Variants in STPG2 observed in about 807,000 individuals in gnomAD.
The protein encoded by STPG2 is sperm tail PG-rich repeat containing 2.
Under a neutral mutation model 54.2 loss-of-function variants are expected in STPG2, and 56 were observed. That is an observed-to-expected ratio of 1.03 (90% confidence interval 0.83 to 1.29). The LOEUF is 1.29. Among genes scored for constraint, STPG2 ranks in the 50% most tolerant of loss-of-function variants. The pLI, the probability that STPG2 is intolerant of heterozygous loss-of-function variation, is 0.00. For synonymous variants in STPG2, 200 were observed against 181.8 expected, an observed-to-expected ratio of 1.10 and a Z score of -0.81; for missense variants, 596 against 544.9, an observed-to-expected ratio of 1.09 and a Z score of -0.93.
Position 97,958,061 on chromosome 4 carries a change from T to C in STPG2, c.934-14054A>G, listed in dbSNP as rs138616815. Among the ~76,000 whole-genome samples, 788 of 152,068 alleles carry C rather than the reference T, an allele frequency of 5.2e-3. 9 individuals carry two copies. The highest frequency in any genetic ancestry group is 0.048 in the East Asian group (247 of 5,158). ...CAGTAGCTCACACTGGTAATCCCAGTACTTTGGGAGGCAGAGGGGGGACAG... is the reference window on the plus strand; with the variant it reads ...CAGTAGCTCACACTGGTAATCCCAGCACTTTGGGAGGCAGAGGGGGGACAG... On this transcript the variant is annotated intron_variant, in intron 7 of 10. Transcript: ENST00000295268.
chr4:97,897,113 A>G (rs10776490), intron 8 of STPG2, among the ~76,000 whole-genome samples: 89,116 of 151,676 alleles, frequency 0.59, 26,822 homozygotes, highest in East Asian at 0.74. Context: ...ATGTGTCCAT[A>G]TGTTCTCATC....
chr4:98,076,437 CAT>C (rs1738170754), intron 5 of STPG2, among the ~76,000 whole-genome samples: 1 of 152,062 alleles, frequency 6.6e-6, no homozygotes, highest in African/African-American at 2.4e-5. Flanking sequence ...AAAATATCAA[CAT>C]GTTTGTTTCC....
intron 4 of STPG2, among the ~76,000 whole-genome samples, chr4:97,541,557 A>G (rs1731706029): frequency 6.6e-6 from 1 of 152,196 alleles, no homozygotes; most frequent in Admixed American, 6.5e-5. Flanking sequence ...AAGGTAATTT[A>G]TAGATTCAAT....
Position 98,070,884 on chromosome 4 carries a change from T to G in STPG2, c.612+35069A>C, listed in dbSNP as rs138300400. 7.1e-3 allele frequency among the ~76,000 whole-genome samples: 1,079 copies of G among 152,074 alleles called. 5 individuals are homozygous for G. Among genetic ancestry groups the G allele is most frequent in the Non-Finnish European group, 0.012 (847 of 67,964 alleles). ...ATATGACATAAACAAATGGAAAAAA[T>G]TCCATGCTCATGGATAGGAAGAATC... On this transcript the variant is annotated intron_variant, in intron 5 of 10. Transcript: ENST00000295268.
At chr4:98,081,867 G>T (rs1455242918) in intron 5 of STPG2, among the ~76,000 whole-genome samples, 1 of 152,176 alleles carries the variant, frequency 6.6e-6, no homozygotes, top group Admixed American at 6.5e-5. Flanking sequence ...GCAAAAAGAA[G>T]TTATTAATTA....
intron 8 of STPG2, among the ~76,000 whole-genome samples, chr4:97,941,548 G>A (rs946176397): frequency 6.6e-6 from 1 of 151,618 alleles, no homozygotes; most frequent in African/African-American, 2.4e-5. Context: ...TATTTCCCTG[G>A]GATGTTGTAA....
At chr4:97,972,209 T>C (rs1734350889) in intron 7 of STPG2, 71 bp downstream of exon 7, 12 of 1,029,666 alleles carry the variant, frequency 1.2e-5, no homozygotes, top group South Asian at 2.5e-5. Flanking sequence ...AATTATAACA[T>C]GTAATTTCAA....
intron 3 of STPG2, among the ~76,000 whole-genome samples, chr4:98,111,439 T>C (rs544867476): frequency 2.0e-5 from 3 of 152,226 alleles, no homozygotes; most frequent in African/African-American, 7.2e-5. Flanking sequence ...CCCCTGCCCC[T>C]AGTGACTTTC....
At chr4:97,987,712 A>G (rs2149267132) in intron 5 of STPG2, among the ~76,000 whole-genome samples, 1 of 152,274 alleles carries the variant, frequency 6.6e-6, no homozygotes, top group South Asian at 2.1e-4. Flanking sequence ...TGGCTTATAA[A>G]TTAGATGTAT....
chr4:97,787,710 G>A (rs1471675526), intron 9 of STPG2, among the ~76,000 whole-genome samples: 1 of 151,618 alleles, frequency 6.6e-6, no homozygotes, highest in Non-Finnish European at 1.5e-5. Flanking sequence ...CTTCTTAAAT[G>A]TTTATGCTTG....
At chr4:98,023,786 C>T (rs1321793638) in intron 5 of STPG2, among the ~76,000 whole-genome samples, 1 of 152,180 alleles carries the variant, frequency 6.6e-6, no homozygotes, top group Non-Finnish European at 1.5e-5. Flanking sequence ...TCTCAGACTG[C>T]TGTGCTAGCA....
intron 8 of STPG2, among the ~76,000 whole-genome samples, chr4:97,863,459 C>T (rs915227834): frequency 6.6e-5 from 10 of 152,124 alleles, no homozygotes; most frequent in African/African-American, 2.4e-4. Context: ...TAATTAATAG[C>T]TTACCAACCA....
At chr4:97,687,218 G>A (rs1438846256) in intron 10 of STPG2, among the ~76,000 whole-genome samples, 1 of 151,996 alleles carries the variant, frequency 6.6e-6, no homozygotes, top group Non-Finnish European at 1.5e-5. Flanking sequence ...CCAAAGTGCT[G>A]GGATTACAGG....
chr4:97,960,799 A>G (rs941404286), intron 7 of STPG2, among the ~76,000 whole-genome samples: 1 of 152,088 alleles, frequency 6.6e-6, no homozygotes, highest in Non-Finnish European at 1.5e-5. Flanking sequence ...ATTCAATGCA[A>G]TTCCCATCAA....
chr4:97,989,166 T>A (rs1394203654), intron 5 of STPG2, among the ~76,000 whole-genome samples: 1 of 152,224 alleles, frequency 6.6e-6, no homozygotes, highest in African/African-American at 2.4e-5. Flanking sequence ...AGATTTTTTT[T>A]ATCTATCAAC....
chr4:97,609,523 A>T (rs1207555010), intron 10 of STPG2, among the ~76,000 whole-genome samples: 2 of 151,994 alleles, frequency 1.3e-5, no homozygotes, highest in African/African-American at 4.8e-5. Flanking sequence ...TATCATCATA[A>T]CATCCTGAGC....
intron 10 of STPG2, among the ~76,000 whole-genome samples, chr4:97,615,633 A>G (rs1733841477): frequency 1.3e-5 from 2 of 152,034 alleles, no homozygotes; most frequent in Admixed American, 1.3e-4. Flanking sequence ...TATGATAGAT[A>G]CAATATATAA....
intron 10 of STPG2, among the ~76,000 whole-genome samples, chr4:97,562,468 C>A (rs1732281402): frequency 6.6e-6 from 1 of 152,158 alleles, no homozygotes; most frequent in African/African-American, 2.4e-5. Context: ...GCCAGAACTT[C>A]CAACACTATG....
chr4:97,928,922 G>C (rs1029423025), intron 8 of STPG2, among the ~76,000 whole-genome samples: 4 of 151,780 alleles, frequency 2.6e-5, no homozygotes, highest in African/African-American at 9.7e-5. Flanking sequence ...CCATGTGAAG[G>C]TTTGTTACAT....
Sources: allele counts gnomAD v4.1 joint callset (sites outside exome capture counted in the v4.1 genomes callset), GRCh38; gene constraint gnomAD v4.1.1; transcripts MANE v1.5; gene names NCBI Gene and HGNC (gene_info 2026-07-23, HGNC 2026-07-21).